Variants in KIF25 observed in about 807,000 individuals in gnomAD.
The protein encoded by KIF25 is kinesin family member 25.
In KIF25, 19 loss-of-function variants were observed where a neutral mutation model predicts 32.9. The ratio of observed to expected loss-of-function variants is 0.58; its 90% confidence interval spans 0.40 to 0.85. KIF25 has a LOEUF of 0.85. Ranked by LOEUF, KIF25 falls within the 40% of genes least tolerant of loss-of-function variation. The pLI, the probability that KIF25 is intolerant of heterozygous loss-of-function variation, is 0.00. For missense variants in KIF25, 485 were observed against 507.0 expected, an observed-to-expected ratio of 0.96 and a Z score of 0.42; for synonymous variants, 225 against 213.7, an observed-to-expected ratio of 1.05 and a Z score of -0.46.
chr6:168,033,770 G>A (rs948694544), intron 7 of KIF25, 112 bp from the exon 8 acceptor site: 3 of 1,119,586 alleles, frequency 2.7e-6, no homozygotes, highest in Admixed American at 4.5e-5. Context: ...TGGAGTAACA[G>A]GAGAATAGGA....
In KIF25 at chr6:168,025,625, C is replaced by T. The variant is rs558787846; in HGVS notation, c.-94-3867C>T. On this transcript the variant is annotated intron_variant, in intron 5 of 12. Transcript: ENST00000643607. The stretch of plus-strand genomic sequence containing the variant: ...CCCTAGACTTGACTTGGGAAGTAAA[C>T]AGCGCCAGCTTAAGGAAGCACGTGG... Among the ~76,000 whole-genome samples the T allele has an allele frequency of 1.7e-4, 26 of 152,260 alleles. No homozygotes were observed. In the South Asian group the frequency reaches 4.8e-3, roughly 28 times the overall value.
chr6:168,002,017 C>T (rs1178258219), intron 2 of KIF25, among the ~76,000 whole-genome samples: 8 of 134,344 alleles, frequency 6.0e-5, no homozygotes, highest in African/African-American at 1.1e-4. Flanking sequence ...ACACCTGAGG[C>T]GTGGCCTCGG....
At chr6:168,021,797 T>C (rs1798791348) in intron 5 of KIF25, among the ~76,000 whole-genome samples, 4 of 152,238 alleles carry the variant, frequency 2.6e-5, no homozygotes, top group Admixed American at 2.6e-4. Context: ...GGATGTTCTT[T>C]GCAATAAGCC....
At chr6:168,010,296 G>A (rs781308819) in intron 4 of KIF25, among the ~76,000 whole-genome samples, 2 of 151,670 alleles carry the variant, frequency 1.3e-5, no homozygotes, top group African/African-American at 2.4e-5. Flanking sequence ...CTTTTTTGCT[G>A]TGTCCCATAG....
At chr6:168,038,789 C>G in intron 9 of KIF25, 60 bp downstream of exon 9, 4 of 1,548,594 alleles carry the variant, frequency 2.6e-6, no homozygotes, top group South Asian at 1.2e-5. Context: ...CCTGCCCCTC[C>G]CACCTGGTCA....
chr6:168,031,225 C>T (rs1798937339), intron 7 of KIF25, among the ~76,000 whole-genome samples: 1 of 152,182 alleles, frequency 6.6e-6, no homozygotes, highest in African/African-American at 2.4e-5. Context: ...GGACTTTTCC[C>T]TTTGGGAATC....
At chr6:168,032,823 C>T (rs1219823864) in intron 7 of KIF25, among the ~76,000 whole-genome samples, 1 of 152,208 alleles carries the variant, frequency 6.6e-6, no homozygotes, top group Non-Finnish European at 1.5e-5. Flanking sequence ...CCCCAGATGA[C>T]TCGGACGGGG....
intron 7 of KIF25, among the ~76,000 whole-genome samples, chr6:168,032,898 A>G (rs772470898): frequency 6.6e-6 from 1 of 152,186 alleles, no homozygotes; most frequent in African/African-American, 2.4e-5. Flanking sequence ...GTGGACCCAT[A>G]CCTTTACAAC....
chr6:168,035,806 G>A (rs1583143508), intron 8 of KIF25: 1 of 456,038 alleles, frequency 2.2e-6, no homozygotes, highest in Non-Finnish European at 4.4e-6. Context: ...TCTTCCAAGT[G>A]AGTGGCCCCG....
chr6:168,041,773 G>T (rs1202675582), intron 10 of KIF25, among the ~76,000 whole-genome samples, 196 bp from the exon 11 acceptor site: 1 of 152,198 alleles, frequency 6.6e-6, no homozygotes, highest in African/African-American at 2.4e-5. Context: ...AGTGAAGAAA[G>T]CTGCTTTCTA....
chr6:168,027,519 G>A (rs1004052098), intron 5 of KIF25, among the ~76,000 whole-genome samples: 5 of 151,964 alleles, frequency 3.3e-5, no homozygotes, highest in Non-Finnish European at 7.4e-5. Flanking sequence ...CCAGGTTGGG[G>A]GGAAAATGGT....
chr6:168,000,072 A>C (rs1447538769), intron 2 of KIF25, among the ~76,000 whole-genome samples: 3 of 55,286 alleles, frequency 5.4e-5, no homozygotes, highest in Admixed American at 1.8e-4. Context: ...ACCACACCTG[A>C]CCCTCCCACT....
Position 167,999,154 on chromosome 6 carries a change from C to G in KIF25, c.-536C>G, listed in dbSNP as rs545784295. ...CGGCCGCGTCTCAGGAGCTGGTGCCCGGTGCACGTTCAGTGGGGGATGCTC... is the reference window on the plus strand; with the variant it reads ...CGGCCGCGTCTCAGGAGCTGGTGCCGGGTGCACGTTCAGTGGGGGATGCTC... On this transcript the variant is annotated 5_prime_UTR_variant, in exon 2 of 13. Transcript: ENST00000643607. 6.6e-6 allele frequency: 1 copy of G among 152,310 alleles called. No individual in the cohort carries two copies. Among genetic ancestry groups the G allele is most frequent in the African/African-American group, 2.4e-5 (1 of 41,472 alleles). The allele number at this position is 152,310 out of a possible 1,614,324, so 9.4% of individuals were successfully genotyped here.
At chr6:168,009,361 T>C (rs1178328045) in intron 4 of KIF25, among the ~76,000 whole-genome samples, 1 of 152,170 alleles carries the variant, frequency 6.6e-6, no homozygotes, top group Admixed American at 6.5e-5. Context: ...TCTGTAGATG[T>C]GACCCAATTT....
chr6:168,018,697 G>A (rs940636746), intron 5 of KIF25, among the ~76,000 whole-genome samples: 1 of 152,184 alleles, frequency 6.6e-6, no homozygotes, highest in Non-Finnish European at 1.5e-5. Flanking sequence ...ATCAATGCGC[G>A]TGGCCTTTGG....
At position 168,042,146 on chromosome 6, in the gene KIF25, G is replaced by A; in HGVS notation, c.824G>A (p.Cys275Tyr). ...CTCGTGGACTCGGCCGGCAGCGAGT[G>A]CGTTGGTGAGCAGGGGCAGGCATTT... ...LQLVDSAGSE[C>Y]VGVSGVTGLA... The change falls in exon 11 of 13, where the codon TGC becomes TAC. Residue 275 changes from cysteine (C) to tyrosine (Y), a missense_variant. Coordinates refer to ENST00000643607, the MANE Select transcript of KIF25 (RefSeq NM_030615.4). 1 of 1,548,610 alleles carries A rather than the reference G, an allele frequency of 6.5e-7. No individual in the cohort carries two copies. Among genetic ancestry groups the A allele is most frequent in the Non-Finnish European group, 8.7e-7 (1 of 1,146,444 alleles).
intron 7 of KIF25, among the ~76,000 whole-genome samples, chr6:168,031,603 C>T (rs572102204): frequency 5.3e-5 from 8 of 152,352 alleles, no homozygotes; most frequent in African/African-American, 1.9e-4. Context: ...GATGCAGTTG[C>T]TGCTTCAACT....
chr6:168,013,941 G>A (rs1798681711), intron 4 of KIF25, among the ~76,000 whole-genome samples: 1 of 152,112 alleles, frequency 6.6e-6, no homozygotes, highest in African/African-American at 2.4e-5. Flanking sequence ...CTTGGGCAGA[G>A]GGAGCTGAGC....
intron 7 of KIF25, among the ~76,000 whole-genome samples, chr6:168,033,151 A>G (rs1388969704): frequency 6.6e-6 from 1 of 152,160 alleles, no homozygotes; most frequent in Admixed American, 6.5e-5. Context: ...ATGTGGATTG[A>G]CTGTGGACAT....
Sources: allele counts gnomAD v4.1 joint callset (sites outside exome capture counted in the v4.1 genomes callset), GRCh38; gene constraint gnomAD v4.1.1; transcripts MANE v1.5; gene names NCBI Gene and HGNC (gene_info 2026-07-23, HGNC 2026-07-21).